Variants in SLIT3 observed in about 807,000 individuals in gnomAD.
SLIT3 encodes slit guidance ligand 3, also known as slit homolog 3 protein.
Under a neutral mutation model 184.0 loss-of-function variants are expected in SLIT3, and 68 were observed. The ratio of observed to expected loss-of-function variants is 0.37; its 90% CI spans 0.30 to 0.45. The LOEUF (loss-of-function observed/expected upper bound fraction) is 0.45, where lower values mean the gene tolerates loss of function less well. Among genes scored for constraint, SLIT3 ranks in the 20% least tolerant of loss-of-function variants. The probability of loss-of-function intolerance (pLI) is 1.00; values close to 1 mark genes in which losing one functional copy is unlikely to be tolerated. For missense variants in SLIT3, 1,707 were observed against 2,026.0 expected, an observed-to-expected ratio of 0.84 and a Z score of 3.02; for synonymous variants, 831 against 828.6, an observed-to-expected ratio of 1.00 and a Z score of -0.05.
intron 4 of SLIT3, among the ~76,000 whole-genome samples, chr5:168,951,406 A>G (rs948555719): frequency 1.5e-4 from 23 of 152,286 alleles, no homozygotes; most frequent in Admixed American, 6.5e-5. Context: ...CAGGTAGAAG[A>G]TCAGGCAAGG....
At chr5:169,000,217 C>T (rs140251070) in intron 4 of SLIT3, among the ~76,000 whole-genome samples, 1 of 151,690 alleles carries the variant, frequency 6.6e-6, no homozygotes, top group African/African-American at 2.4e-5. Context: ...CATGGTGAAA[C>T]CTCGTTTCTA....
intron 4 of SLIT3, among the ~76,000 whole-genome samples, chr5:169,129,099 A>C (rs984105210): frequency 1.3e-5 from 2 of 152,066 alleles, no homozygotes; most frequent in Non-Finnish European, 2.9e-5. Flanking sequence ...CGAAACCTAC[A>C]ATTTGCCATA....
intron 4 of SLIT3, among the ~76,000 whole-genome samples, chr5:169,000,713 C>A (rs1755675721): frequency 6.6e-6 from 1 of 152,190 alleles, no homozygotes; most frequent in Non-Finnish European, 1.5e-5. Flanking sequence ...ATTACCTTCA[C>A]ACAAACAGCA....
At position 169,003,105 on chromosome 5, in the gene SLIT3, T is replaced by C. The variant is rs78548136; in HGVS notation, c.414-119769A>G. ...ACCTACTAAATCCATTAGAAAGGAT[T>C]TGCAAATGGCACTCATGATATTACC... is the stretch of plus-strand genomic sequence containing the variant. On this transcript the variant is annotated intron_variant, in intron 4 of 35. Coordinates refer to ENST00000519560, the MANE Select transcript of SLIT3 (RefSeq NM_003062.4). Among the ~76,000 whole-genome samples, 1,513 of 152,322 alleles carry C rather than the reference T, an allele frequency of 9.9e-3. 61 individuals are homozygous for C. In the East Asian group the frequency reaches 0.12, roughly 12 times the overall value.
intron 5 of SLIT3, among the ~76,000 whole-genome samples, chr5:168,870,686 T>C (rs1310727718): frequency 1.3e-5 from 2 of 152,252 alleles, no homozygotes; most frequent in Non-Finnish European, 2.9e-5. Flanking sequence ...TGAAAGATTA[T>C]TTATCAAGTC....
At chr5:169,270,558 G>A (rs1263986887) in intron 1 of SLIT3, among the ~76,000 whole-genome samples, 4 of 152,102 alleles carry the variant, frequency 2.6e-5, no homozygotes, top group African/African-American at 9.7e-5. Flanking sequence ...GCCTTCACGC[G>A]ACAGGGGCAG....
intron 32 of SLIT3, among the ~76,000 whole-genome samples, chr5:168,681,847 T>A (rs1761602257): frequency 6.6e-6 from 1 of 152,204 alleles, no homozygotes; most frequent in Non-Finnish European, 1.5e-5. Flanking sequence ...CCTTGACATG[T>A]CTGCGTAAAG....
At chr5:169,278,039 G>T (rs1419178360) in intron 1 of SLIT3, among the ~76,000 whole-genome samples, 2 of 152,190 alleles carry the variant, frequency 1.3e-5, no homozygotes, top group Non-Finnish European at 2.9e-5. Flanking sequence ...TGGGTGCATG[G>T]ACTATAGCTT....
At chr5:168,789,446 G>A (rs762924905) in intron 11 of SLIT3, 114 bp downstream of exon 11, 15 of 743,772 alleles carry the variant, frequency 2.0e-5, no homozygotes, top group Non-Finnish European at 3.0e-5. Flanking sequence ...TGCCACAAGT[G>A]TGTAAGGGAA....
chr5:168,673,613 C>G (rs529086481), intron 32 of SLIT3, among the ~76,000 whole-genome samples: 1 of 152,222 alleles, frequency 6.6e-6, no homozygotes, highest in East Asian at 1.9e-4. Flanking sequence ...ACATTACAGC[C>G]CTTTATCCTT....
chr5:168,951,970 C>T (rs1762663080), intron 4 of SLIT3, among the ~76,000 whole-genome samples: 3 of 152,224 alleles, frequency 2.0e-5, no homozygotes, highest in South Asian at 2.1e-4. Context: ...TCCCTCATCC[C>T]TAGCATCCAT....
At chr5:168,886,498 A>G (rs1205997039) in intron 4 of SLIT3, among the ~76,000 whole-genome samples, 1 of 152,150 alleles carries the variant, frequency 6.6e-6, no homozygotes, top group Non-Finnish European at 1.5e-5. Flanking sequence ...AACAAAATCT[A>G]TCCACGATGC....
At chr5:168,906,316 A>G (rs148637046) in intron 4 of SLIT3, among the ~76,000 whole-genome samples, 1 of 152,358 alleles carries the variant, frequency 6.6e-6, no homozygotes, top group Non-Finnish European at 1.5e-5. Context: ...GCGATAAAGG[A>G]ACATCACAGG....
chr5:168,944,724 G>A (rs1281443276), intron 4 of SLIT3, among the ~76,000 whole-genome samples: 1 of 152,024 alleles, frequency 6.6e-6, no homozygotes, highest in Non-Finnish European at 1.5e-5. Flanking sequence ...AAACTAAAAG[G>A]GTACCTTCCA....
intron 4 of SLIT3, among the ~76,000 whole-genome samples, chr5:169,069,658 C>A (rs766742106): frequency 4.6e-5 from 7 of 152,028 alleles, no homozygotes; most frequent in Admixed American, 2.0e-4. Flanking sequence ...ATATTATGTG[C>A]AAATGTTTAT....
chr5:168,902,623 G>A (rs146276327), intron 4 of SLIT3, among the ~76,000 whole-genome samples: 247 of 152,330 alleles, frequency 1.6e-3, no homozygotes, highest in Middle Eastern at 3.4e-3. Flanking sequence ...TGTTAGAAAT[G>A]GGAAATGCTC....
intron 4 of SLIT3, among the ~76,000 whole-genome samples, chr5:169,105,765 G>A (rs1263629429): frequency 6.6e-6 from 1 of 152,160 alleles, no homozygotes; most frequent in Non-Finnish European, 1.5e-5. Flanking sequence ...TTCCATCCAT[G>A]TTCCTGCAAA....
chr5:169,204,992 C>A lies in SLIT3; in HGVS notation c.342-11442G>T, dbSNP rs76243589. Among the ~76,000 whole-genome samples, 713 of 152,170 alleles carry A rather than the reference C, an allele frequency of 4.7e-3. 1 individual carries two copies. Among genetic ancestry groups the A allele is most frequent in the Middle Eastern group, 0.014 (4 of 294 alleles). ...GCAAACAATAGAAGGCTGAATTCAG[C>A]CAAGGTTAGGGCGTTTCCAGGCAAC... On this transcript the variant is annotated intron_variant, in intron 3 of 35. Coordinates refer to ENST00000519560, the MANE Select transcript of SLIT3 (RefSeq NM_003062.4).
chr5:169,251,470 G>C lies in SLIT3; in HGVS notation c.198-11C>G, dbSNP rs1469487225. On this transcript the variant is annotated splice_polypyrimidine_tract_variant and intron_variant, in intron 1 of 35. Transcript: ENST00000519560. ...TTTCTGTCCAGGTCACTGCAATGGA[G>C]AGCAAATTCAGGTCAGATTTTTGTG... 10 of 1,600,740 alleles carry C rather than the reference G, an allele frequency of 6.2e-6. No homozygotes were observed. Among genetic ancestry groups the C allele is most frequent in the Non-Finnish European group, 8.6e-6 (10 of 1,168,018 alleles).
Sources: gnomAD v4.1 joint callset for allele counts (sites outside exome capture counted in the v4.1 genomes callset) on GRCh38, gnomAD v4.1.1 for gene constraint, MANE v1.5 for transcripts, NCBI Gene and HGNC (gene_info 2026-07-23, HGNC 2026-07-21) for gene names.